MAP1LC3B2: variants seen among roughly 807,000 people sequenced by gnomAD.
The protein encoded by MAP1LC3B2 is microtubule-associated protein 1 light chain 3 beta 2.
For missense variants in MAP1LC3B2, 155 were observed against 154.6 expected (o/e 1.00, Z -0.01); for synonymous variants, 62 against 57.8 (o/e 1.07, Z -0.33).
chr12:116,571,855 A>G (rs1191430370), intron 1 of MAP1LC3B2, among the ~76,000 whole-genome samples: 1 of 151,364 alleles, frequency 6.6e-6, no homozygotes, highest in East Asian at 1.9e-4. Context: ...AGAGAAACAA[A>G]GTAATGTCCG....
intron 1 of MAP1LC3B2, among the ~76,000 whole-genome samples, chr12:116,560,356 C>T (rs2136958092): frequency 6.6e-6 from 1 of 151,742 alleles, no homozygotes; most frequent in East Asian, 1.9e-4. Context: ...TCAAGTGATT[C>T]TCCTGCCTCA....
At chr12:116,560,222 ATATATATATATATATATATG>A (rs1472920441) in intron 1 of MAP1LC3B2, 9 of 72,602 alleles carry the variant, frequency 1.2e-4, no homozygotes, top group African/African-American at 2.5e-4. Flanking sequence ...ATATATATAT[ATATATATATATATATATATG>A]TATGTATATG....
Position 116,575,895 on chromosome 12 carries a change from C to CCGCCGGGACCCTCGCGTCGT in MAP1LC3B2, c.-42_-23dup, listed in dbSNP as rs760196048. On this transcript the variant is annotated 5_prime_UTR_variant, in exon 2 of 2. Coordinates refer to ENST00000556529, the MANE Select transcript of MAP1LC3B2 (RefSeq NM_001085481.3). Reference sequence around the variant, plus strand: ...CCGCAGCAGCCGCCACCCCCAGGAGCCGCCGGGACCCTCGCGTCGTCGCCG... The same window carrying CCGCCGGGACCCTCGCGTCGT: ...CCGCAGCAGCCGCCACCCCCAGGAGCCGCCGGGACCCTCGCGTCGTCGCCGGGACCCTCGCGTCGTCGCCG... 39 of 1,610,742 alleles carry CCGCCGGGACCCTCGCGTCGT rather than the reference C, an allele frequency of 2.4e-5. No homozygotes were observed. In the East Asian group the frequency reaches 4.7e-4, roughly 19 times the overall value.
At chr12:116,568,843 T>G (rs1175344049) in intron 1 of MAP1LC3B2, among the ~76,000 whole-genome samples, 1 of 150,912 alleles carries the variant, frequency 6.6e-6, no homozygotes, top group African/African-American at 2.4e-5. Flanking sequence ...CCTCTAGAAC[T>G]GTAAGAAATA....
chr12:116,568,128 C>T lies in MAP1LC3B2; in HGVS notation c.-101-7714C>T, dbSNP rs576563407. Among the ~76,000 whole-genome samples, 3 of 152,304 alleles carry T rather than the reference C, an allele frequency of 2.0e-5. No individual in the cohort carries two copies. The East Asian group carries it at 5.8e-4, about 29-fold the overall frequency. ...CCTTGATAGCTTTGCAGCTCTTTTTCCATTCTTTGTCGTCCTGGCAATTGT... is the reference window on the plus strand; with the variant it reads ...CCTTGATAGCTTTGCAGCTCTTTTTTCATTCTTTGTCGTCCTGGCAATTGT... On this transcript the variant is annotated intron_variant, in intron 1 of 1. Transcript: ENST00000556529.
At chr12:116,560,188 C>CTATATATATATATATATA (rs56727893) in intron 1 of MAP1LC3B2, 1 of 88,444 alleles carries the variant, frequency 1.1e-5, no homozygotes, top group Non-Finnish European at 2.3e-5. Flanking sequence ...CTAAGTTTGG[C>CTATATATATATATATATA]TATATATATA....
At chr12:116,561,118 GA>G (rs1869261768) in intron 1 of MAP1LC3B2, among the ~76,000 whole-genome samples, 2 of 151,780 alleles carry the variant, frequency 1.3e-5, no homozygotes. Flanking sequence ...CTCCATCTCA[GA>G]AAAAAAGCTG....
chr12:116,571,452 G>C (rs1313399415), intron 1 of MAP1LC3B2, among the ~76,000 whole-genome samples: 2 of 120,420 alleles, frequency 1.7e-5, no homozygotes, highest in Non-Finnish European at 3.3e-5. Flanking sequence ...GTAAGGGACT[G>C]CTGTTCTTTT....
At chr12:116,571,887 CTGT>C (rs1869545702) in intron 1 of MAP1LC3B2, among the ~76,000 whole-genome samples, 1 of 149,278 alleles carries the variant, frequency 6.7e-6, no homozygotes, top group Non-Finnish European at 1.5e-5. Context: ...CTTAAAGCAA[CTGT>C]TGTTTTTTTT....
intron 1 of MAP1LC3B2, among the ~76,000 whole-genome samples, chr12:116,571,976 A>G (rs867957040): frequency 1.7e-4 from 25 of 151,178 alleles, no homozygotes; most frequent in African/African-American, 5.1e-4. Flanking sequence ...AAAAAAAAAA[A>G]GGGTTAGGGA....
rs1242651739 is a variant in MAP1LC3B2, at chr12:116,560,228, A to ATGTATGTATGTATATG, written c.-102+796_-102+797insGTATGTATGTATATGT. 6.3e-5 allele frequency: 7 copies of ATGTATGTATGTATATG among 111,488 alleles called. 1 individual carries two copies. The highest frequency in any genetic ancestry group is 1.8e-4 in the African/African-American group (5 of 27,674). 6.9% of individuals were successfully genotyped at this position (111,488 alleles called of 1,614,324 possible). ...TATATATATATATATATATATATAT[A>ATGTATGTATGTATATG]TATATATATATATGTATGTATATGT... is the stretch of plus-strand genomic sequence containing the variant. On this transcript the variant is annotated intron_variant, in intron 1 of 1. Coordinates refer to ENST00000556529, the MANE Select transcript of MAP1LC3B2 (RefSeq NM_001085481.3).
At position 116,576,400 on chromosome 12, in the gene MAP1LC3B2, G is replaced by C; in HGVS notation, c.*80G>C. 2.0e-6 allele frequency: 3 copies of C among 1,526,014 alleles called. No homozygotes were observed. Among genetic ancestry groups the C allele is most frequent in the Non-Finnish European group, 2.6e-6 (3 of 1,132,220 alleles). The allele number at this position is 1,526,014 out of a possible 1,614,324, so 94.5% of individuals were successfully genotyped here. On this transcript the variant is annotated 3_prime_UTR_variant, in exon 2 of 2. Coordinates refer to ENST00000556529, the MANE Select transcript of MAP1LC3B2 (RefSeq NM_001085481.3). Reference sequence around the variant, plus strand: ...AAAAGGGATGTTACCAACTGAGATCGATCAGTTCATCTAATCACAGATCAT... The same window carrying C: ...AAAAGGGATGTTACCAACTGAGATCCATCAGTTCATCTAATCACAGATCAT...
chr12:116,573,333 A>G (rs79464950), intron 1 of MAP1LC3B2, among the ~76,000 whole-genome samples: 5,167 of 152,194 alleles, frequency 0.034, 282 homozygotes, highest in African/African-American at 0.11. Context: ...CATATACATT[A>G]TTTTTCACAG....
chr12:116,571,005 C>A (rs12815657), intron 1 of MAP1LC3B2, among the ~76,000 whole-genome samples: 7,447 of 152,176 alleles, frequency 0.049, 201 homozygotes, highest in Non-Finnish European at 0.065. Context: ...ATATTTATAC[C>A]ATGATTTCTC....
intron 1 of MAP1LC3B2, chr12:116,560,204 A>ATATATATATATATATATGTATGTATATG (rs1869221636): frequency 2.3e-5 from 1 of 43,666 alleles, no homozygotes; most frequent in Non-Finnish European, 4.6e-5. Context: ...ATATATATAT[A>ATATATATATATATATATGTATGTATATG]TATATATATA....
intron 1 of MAP1LC3B2, among the ~76,000 whole-genome samples, chr12:116,571,621 C>T (rs1869537788): frequency 6.6e-6 from 1 of 151,612 alleles, no homozygotes; most frequent in South Asian, 2.1e-4. Flanking sequence ...GCTGGGACTA[C>T]AGGTGCCCAC....
intron 1 of MAP1LC3B2, among the ~76,000 whole-genome samples, chr12:116,565,449 C>A (rs567773877): frequency 1.3e-5 from 2 of 152,222 alleles, no homozygotes; most frequent in Admixed American, 6.5e-5. Flanking sequence ...TATTCACTAC[C>A]ACGAGAACAG....
chr12:116,570,341 T>C (rs1271450366), intron 1 of MAP1LC3B2, among the ~76,000 whole-genome samples: 2 of 152,216 alleles, frequency 1.3e-5, no homozygotes, highest in Non-Finnish European at 2.9e-5. Flanking sequence ...ACATGAGATA[T>C]TCAACACTTT....
intron 1 of MAP1LC3B2, among the ~76,000 whole-genome samples, chr12:116,573,155 C>T (rs1869583068): frequency 6.6e-6 from 1 of 152,182 alleles, no homozygotes; most frequent in South Asian, 2.1e-4. Context: ...AACTTCTGAT[C>T]TTAGGTGATC....
Sources: allele counts gnomAD v4.1 joint callset (sites outside exome capture counted in the v4.1 genomes callset), GRCh38; gene constraint gnomAD v4.1.1; transcripts MANE v1.5; gene names NCBI Gene and HGNC (gene_info 2026-07-23, HGNC 2026-07-21).